Variants in A4GALT observed in about 807,000 individuals in gnomAD.
A4GALT encodes lactosylceramide 4-alpha-galactosyltransferase.
For synonymous variants in A4GALT, 257 were observed against 220.7 expected (o/e 1.16, Z -1.46); for missense variants, 512 against 486.0 (o/e 1.05, Z -0.50).
chr22:42,714,274 C>CAAAAA (rs1163088658), intron 1 of A4GALT, among the ~76,000 whole-genome samples: 986 of 16,154 alleles, frequency 0.061, 344 homozygotes, highest in East Asian at 0.1. Context: ...GACTCTGTCT[C>CAAAAA]AAAAAAAAAA....
intron 2 of A4GALT, chr22:42,694,903 A>G (rs921079273): frequency 7.9e-5 from 12 of 152,198 alleles, no homozygotes; most frequent in Non-Finnish European, 1.5e-4. Flanking sequence ...ACATAGGAAC[A>G]TGTGTGGCCC....
chr22:42,716,368 T>C (rs2147047735), intron 1 of A4GALT, among the ~76,000 whole-genome samples: 1 of 152,296 alleles, frequency 6.6e-6, no homozygotes, highest in South Asian at 2.1e-4. Context: ...TTAACATTTA[T>C]TAAAAGCTCA....
chr22:42,715,256 A>G (rs1922070974), intron 1 of A4GALT, among the ~76,000 whole-genome samples: 1 of 152,036 alleles, frequency 6.6e-6, no homozygotes, highest in Non-Finnish European at 1.5e-5. Context: ...TCCTGCCTTC[A>G]TTTCATACAT....
intron 1 of A4GALT, among the ~76,000 whole-genome samples, chr22:42,705,607 AAAAAAG>A (rs1190049148): frequency 2.1e-4 from 26 of 124,428 alleles, no homozygotes; most frequent in African/African-American, 6.2e-4. Flanking sequence ...TCAAAAAAAA[AAAAAAG>A]AAAAAGAAAA....
At chr22:42,718,084 A>T (rs1475835042) in intron 1 of A4GALT, among the ~76,000 whole-genome samples, 1 of 152,264 alleles carries the variant, frequency 6.6e-6, no homozygotes, top group Non-Finnish European at 1.5e-5. Context: ...TATCAAAAAG[A>T]GCCAAATATA....
At chr22:42,711,993 A>T (rs1200245966) in intron 1 of A4GALT, among the ~76,000 whole-genome samples, 1 of 152,170 alleles carries the variant, frequency 6.6e-6, no homozygotes, top group Non-Finnish European at 1.5e-5. Flanking sequence ...ATCAAATGTG[A>T]TAACTAATCC....
At chr22:42,715,817 C>G (rs1466868501) in intron 1 of A4GALT, among the ~76,000 whole-genome samples, 1 of 150,142 alleles carries the variant, frequency 6.7e-6, no homozygotes, top group South Asian at 2.1e-4. Flanking sequence ...CACACCTGGC[C>G]GGAAAGATAC....
At chr22:42,696,602 C>T (rs1338532721) in intron 1 of A4GALT, among the ~76,000 whole-genome samples, 6 of 151,952 alleles carry the variant, frequency 3.9e-5, no homozygotes, top group Non-Finnish European at 5.9e-5. Flanking sequence ...CTTCTCTCCC[C>T]GGCACCCAGC....
rs1189809232 is a variant in A4GALT, at chr22:42,693,650, GC to G, written c.301del (p.Ala101ProfsTer13). ...NFLFMCSVESAARTHPESHVL... is the reference protein window; with the variant it reads ...NFLFMCSVESXARTHPESHVL... The stretch of plus-strand genomic sequence containing the variant: ...GTGGGATTCGGGGTGAGTTCTGGCG[GC>G]CGACTCCACCGAGCACATGAACAGG... On this transcript the variant is annotated frameshift_variant, in exon 3 of 3. Transcript: ENST00000642412. LOFTEE classifies it low-confidence loss of function (END_TRUNC). 3.1e-6 allele frequency: 5 copies of G among 1,596,346 alleles called. No individual in the cohort carries two copies. In the East Asian group the frequency reaches 6.9e-5, roughly 22 times the overall value.
At chr22:42,703,106 C>CGGTGTGTGTGTGTGTGTG (rs1920935292) in intron 1 of A4GALT, among the ~76,000 whole-genome samples, 4 of 134,108 alleles carry the variant, frequency 3.0e-5, no homozygotes, top group African/African-American at 1.3e-4. Flanking sequence ...TGCTGCCCCA[C>CGGTGTGTGTGTGTGTGTG]TGTGTGTGTG....
intron 1 of A4GALT, among the ~76,000 whole-genome samples, chr22:42,701,145 G>A (rs982825220): frequency 2.0e-5 from 3 of 152,194 alleles, no homozygotes; most frequent in African/African-American, 7.2e-5. Flanking sequence ...CTCCCAGCTC[G>A]TTGCCTCACG....
At chr22:42,700,816 C>T (rs1931249683) in intron 1 of A4GALT, among the ~76,000 whole-genome samples, 1 of 152,254 alleles carries the variant, frequency 6.6e-6, no homozygotes, top group Admixed American at 6.5e-5. Flanking sequence ...CAGATGTGGC[C>T]ACGGCCATCG....
intron 1 of A4GALT, among the ~76,000 whole-genome samples, chr22:42,708,693 C>G (rs551563636): frequency 6.6e-6 from 1 of 152,022 alleles, no homozygotes; most frequent in Non-Finnish European, 1.5e-5. Context: ...CACCAACTAA[C>G]CTAATCAAGA....
chr22:42,694,594 C>T (rs939564044), intron 2 of A4GALT: 1 of 152,814 alleles, frequency 6.5e-6, no homozygotes, highest in African/African-American at 2.4e-5. Flanking sequence ...GCCATTAGAC[C>T]TCTCTTTCCT....
intron 1 of A4GALT, among the ~76,000 whole-genome samples, chr22:42,707,017 T>C (rs1014413067): frequency 1.3e-5 from 2 of 152,122 alleles, no homozygotes; most frequent in African/African-American, 2.4e-5. Flanking sequence ...AGGATAAATA[T>C]ATCAAAACAC....
At chr22:42,713,962 AG>A (rs1360389764) in intron 1 of A4GALT, among the ~76,000 whole-genome samples, 1 of 151,504 alleles carries the variant, frequency 6.6e-6, no homozygotes. Context: ...TGGGCAACGC[AG>A]GAAGACCTCA....
chr22:42,699,476 T>C (rs1463493688), intron 1 of A4GALT, among the ~76,000 whole-genome samples: 1 of 152,232 alleles, frequency 6.6e-6, no homozygotes, highest in Non-Finnish European at 1.5e-5. Context: ...ACGACCCTCC[T>C]GTCACTCTCG....
chr22:42,694,234 T>C (rs1356827373), intron 2 of A4GALT, among the ~76,000 whole-genome samples: 3 of 152,230 alleles, frequency 2.0e-5, no homozygotes, highest in African/African-American at 7.2e-5. Context: ...GCGACACACC[T>C]GTGAGCTCAC....
Position 42,693,203 on chromosome 22 carries a change from C to A in A4GALT, c.749G>T (p.Gly250Val). Reference protein sequence around the residue: ...HYNGWIWGHQGPQLLTRVFKK... With the variant: ...HYNGWIWGHQVPQLLTRVFKK... ...GAAGACCCGCGTGAGCAGCTGCGGG[C>A]CCTGGTGACCCCAGATCCAGCCGTT... is the stretch of plus-strand genomic sequence containing the variant. The change falls in exon 3 of 3, where the codon GGC (glycine) becomes GTC (valine). Residue 250 changes from glycine (G) to valine (V), a missense_variant. By Grantham distance (109) the Gly-to-Val change is moderately radical. Coordinates refer to ENST00000642412, the MANE Select transcript of A4GALT (RefSeq NM_017436.7). 6.2e-7 allele frequency: 1 copy of A among 1,603,236 alleles called. No homozygotes were observed. The highest frequency in any genetic ancestry group is 8.5e-7 in the Non-Finnish European group (1 of 1,175,760).
Sources: gnomAD v4.1 joint callset for allele counts (sites outside exome capture counted in the v4.1 genomes callset) on GRCh38, gnomAD v4.1.1 for gene constraint, MANE v1.5 for transcripts, NCBI Gene and HGNC (gene_info 2026-07-23, HGNC 2026-07-21) for gene names.